Variants in ERMP1 observed in about 807,000 individuals in gnomAD.
ERMP1 encodes the protein Felix-ina.
A neutral mutation model predicts 92.0 loss-of-function variants in ERMP1; 86 were observed. The ratio of observed to expected loss-of-function variants is 0.93; its 90% CI spans 0.79 to 1.12. The LOEUF (loss-of-function observed/expected upper bound fraction) is 1.12. Ranked by LOEUF, ERMP1 falls within the 50% of genes most tolerant of loss-of-function variation. The pLI is 0.00. For missense variants in ERMP1, 1,342 were observed against 1,116.3 expected, an observed-to-expected ratio of 1.20 and a Z score of -2.88; for synonymous variants, 530 against 412.8, an observed-to-expected ratio of 1.28 and a Z score of -3.44.
At chr9:5,845,786 T>C (rs1830227269) in intron 6 of ERMP1, among the ~76,000 whole-genome samples, 1 of 152,132 alleles carries the variant, frequency 6.6e-6, no homozygotes, top group South Asian at 2.1e-4. Context: ...TCTTTGGGTA[T>C]TTTTGTGAGG....
chr9:5,812,756 G>T, intron 5 of ERMP1, 133 bp downstream of exon 5: 2 of 971,816 alleles, frequency 2.1e-6, no homozygotes, highest in Non-Finnish European at 3.3e-6. Flanking sequence ...CTCTGTTTTA[G>T]TGAGTCAATG....
chr9:5,816,852 A>G (rs929478382), intron 4 of ERMP1, among the ~76,000 whole-genome samples: 3 of 152,098 alleles, frequency 2.0e-5, no homozygotes, highest in Non-Finnish European at 4.4e-5. Flanking sequence ...TGCTATAGCT[A>G]AAGTTTTGAG....
At chr9:5,861,170 G>GGGGT (rs1554630170) in intron 5 of ERMP1, among the ~76,000 whole-genome samples, 31 of 102,078 alleles carry the variant, frequency 3.0e-4, no homozygotes, top group South Asian at 2.0e-3. Flanking sequence ...TGGCTTAGGG[G>GGGGT]GTGTGTGTGT....
At position 5,787,045 on chromosome 9, in the gene ERMP1, A is replaced by C; in HGVS notation, c.*99T>G. ...AAGCTCTTTGAACATATGATCATTAAAATTCATTGACTTACGTTACAAACA... is the reference window on the plus strand; with the variant it reads ...AAGCTCTTTGAACATATGATCATTACAATTCATTGACTTACGTTACAAACA... On this transcript the variant is annotated 3_prime_UTR_variant, in exon 15 of 15. Coordinates refer to ENST00000339450, the MANE Select transcript of ERMP1 (RefSeq NM_024896.3). The C allele has an allele frequency of 1.6e-6, 2 of 1,226,262 alleles. No homozygotes were observed. Among genetic ancestry groups the C allele is most frequent in the Non-Finnish European group, 2.3e-6 (2 of 880,588 alleles). The allele number at this position is 1,226,262 out of a possible 1,614,324, so 76.0% of individuals were successfully genotyped here.
chr9:5,815,385 G>A (rs561491589), intron 4 of ERMP1, among the ~76,000 whole-genome samples: 2 of 150,304 alleles, frequency 1.3e-5, no homozygotes, highest in African/African-American at 4.9e-5. Flanking sequence ...CTCAGGCACT[G>A]ATTTGAAATA....
chr9:5,838,780 C>A, intron 6 of ERMP1, among the ~76,000 whole-genome samples: 1 of 150,736 alleles, frequency 6.6e-6, no homozygotes. Context: ...GGGAAATGCT[C>A]ACATTATAAA....
intron 1 of ERMP1, among the ~76,000 whole-genome samples, chr9:5,831,817 A>G (rs748258361): frequency 4.6e-5 from 7 of 152,180 alleles, no homozygotes; most frequent in Non-Finnish European, 1.0e-4. Flanking sequence ...AATAACTTCA[A>G]TTCAGGCCAA....
In ERMP1 at chr9:5,790,753, A is replaced by G. The variant is rs79314825; in HGVS notation, c.2387-3160T>C. On this transcript the variant is annotated intron_variant, in intron 13 of 14. Transcript: ENST00000339450. The stretch of plus-strand genomic sequence containing the variant: ...ATATCTATGCATCAGATAACATAGC[A>G]ACCACTTTATAAAGAAAACTACAGG... 7.6e-3 allele frequency among the ~76,000 whole-genome samples: 1,157 copies of G among 152,366 alleles called. 22 individuals carry two copies. Among genetic ancestry groups the G allele is most frequent in the African/African-American group, 0.027 (1,114 of 41,572 alleles).
intron 4 of ERMP1, 128 bp from the exon 5 acceptor site, chr9:5,813,163 C>G: frequency 1.2e-6 from 1 of 851,284 alleles, no homozygotes; most frequent in Admixed American, 2.4e-5. Context: ...TGTACCTTTT[C>G]ATCCCTTTTT....
chr9:5,843,971 C>T (rs1376420727), intron 6 of ERMP1, among the ~76,000 whole-genome samples: 1 of 152,084 alleles, frequency 6.6e-6, no homozygotes, highest in Non-Finnish European at 1.5e-5. Context: ...ATAACGAGCA[C>T]TCCTCCACCC....
intron 5 of ERMP1, among the ~76,000 whole-genome samples, chr9:5,865,456 C>T (rs944654733): frequency 2.9e-4 from 44 of 150,172 alleles, no homozygotes; most frequent in Admixed American, 2.6e-3. Flanking sequence ...TGCAGTGAGC[C>T]GAGATCGCGC....
rs561026584 is a variant in ERMP1, at chr9:5,849,148, G to A, written n.3199+10320C>T. Among the ~76,000 whole-genome samples the A allele has an allele frequency of 1.7e-4, 26 of 152,226 alleles. No individual in the cohort carries two copies. In the South Asian group the frequency reaches 3.3e-3, roughly 19 times the overall value. ...ACCAAGCCTCCTGACTGGGCTTCCC[G>A]AGTAGCTGGGACTATAGGCATGTGC... On this transcript the variant is annotated intron_variant and non_coding_transcript_variant, in intron 6 of 6. Transcript: ENST00000690753.
chr9:5,798,074 C>G, intron 12 of ERMP1, 142 bp from the exon 13 acceptor site: 1 of 651,880 alleles, frequency 1.5e-6, no homozygotes, highest in Non-Finnish European at 2.7e-6. Flanking sequence ...CCAACTCCAA[C>G]AAATTTAGGT....
chr9:5,795,783 A>G (rs910015184), intron 13 of ERMP1, among the ~76,000 whole-genome samples: 1 of 151,874 alleles, frequency 6.6e-6, no homozygotes, highest in Non-Finnish European at 1.5e-5. Flanking sequence ...CTCAAAAAAG[A>G]AAAAGAAAAA....
intron 10 of ERMP1, among the ~76,000 whole-genome samples, chr9:5,801,901 C>G (rs749257866): frequency 1.3e-5 from 2 of 152,158 alleles, no homozygotes; most frequent in African/African-American, 2.4e-5. Context: ...AACAATAAAT[C>G]TAGGCAGTAA....
At chr9:5,864,326 C>T (rs1770045697) in intron 5 of ERMP1, among the ~76,000 whole-genome samples, 1 of 152,122 alleles carries the variant, frequency 6.6e-6, no homozygotes, top group Non-Finnish European at 1.5e-5. Flanking sequence ...AAAGGGCCAA[C>T]CTGGAGAAAC....
Position 5,785,221 on chromosome 9 carries a change from A to G in ERMP1, c.*1923T>C, listed in dbSNP as rs983414267. On this transcript the variant is annotated 3_prime_UTR_variant, in exon 15 of 15. Transcript: ENST00000339450. ...CCTAAGGCAATATGAAAACAGTCAT[A>G]ATTTATTACTGATAAAGAGTAAAGG... The G allele has an allele frequency of 6.6e-6, 1 of 152,210 alleles. No homozygotes were observed. The highest frequency in any genetic ancestry group is 2.4e-5 in the African/African-American group (1 of 41,454). 9.4% of individuals were successfully genotyped at this position (152,210 alleles called of 1,614,324 possible).
At chr9:5,801,087 AG>A (rs763967173) in intron 11 of ERMP1, 88 bp downstream of exon 11, 10 of 1,384,326 alleles carry the variant, frequency 7.2e-6, no homozygotes, top group Non-Finnish European at 6.9e-6. Context: ...ACAGCAGAAA[AG>A]TCAGCTGCGC....
intron 6 of ERMP1, among the ~76,000 whole-genome samples, chr9:5,839,270 G>T (rs1830129401): frequency 6.6e-6 from 1 of 152,178 alleles, no homozygotes; most frequent in Admixed American, 6.5e-5. Flanking sequence ...TCTGTGACCT[G>T]GGAGAAGAAT....
Sources: gnomAD v4.1 joint callset for allele counts (sites outside exome capture counted in the v4.1 genomes callset) on GRCh38, gnomAD v4.1.1 for gene constraint, MANE v1.5 for transcripts, NCBI Gene and HGNC (gene_info 2026-07-23, HGNC 2026-07-21) for gene names.